Variants in ARIH1 observed in about 807,000 individuals in gnomAD.
ARIH1 encodes the protein E3 ubiquitin-protein ligase ARIH1.
ARIH1 carries 8 observed loss-of-function variants against 85.0 expected under a neutral mutation model. The ratio of observed to expected loss-of-function variants is 0.09; its 90% CI spans 0.06 to 0.17. ARIH1 has a LOEUF of 0.17. Among genes scored for constraint, ARIH1 ranks in the 10% least tolerant of loss-of-function variants. The probability of loss-of-function intolerance (pLI) is 1.00; values close to 1 mark genes in which losing one functional copy is unlikely to be tolerated. For synonymous variants in ARIH1, 238 were observed against 253.6 expected (o/e 0.94, Z 0.59); for missense variants, 311 against 718.1 (o/e 0.43, Z 6.48).
At chr15:72,528,772 T>C (rs1375197880) in intron 2 of ARIH1, among the ~76,000 whole-genome samples, 13 of 151,804 alleles carry the variant, frequency 8.6e-5, no homozygotes, top group Non-Finnish European at 1.6e-4. Context: ...GGAGGATTGC[T>C]GGAGCCCAGG....
At chr15:72,529,175 G>A (rs1227365864) in intron 2 of ARIH1, among the ~76,000 whole-genome samples, 1 of 152,118 alleles carries the variant, frequency 6.6e-6, no homozygotes, top group Admixed American at 6.5e-5. Flanking sequence ...CTCCAGCCTG[G>A]GCGACAGAGC....
chr15:72,500,741 C>T (rs984574300), intron 1 of ARIH1, among the ~76,000 whole-genome samples: 1 of 152,144 alleles, frequency 6.6e-6, no homozygotes, highest in Non-Finnish European at 1.5e-5. Flanking sequence ...ACTCCTTGAG[C>T]ATAAGCATAT....
At chr15:72,475,815 A>T (rs1306232624) in intron 1 of ARIH1, among the ~76,000 whole-genome samples, 1 of 152,150 alleles carries the variant, frequency 6.6e-6, no homozygotes, top group South Asian at 2.1e-4. Flanking sequence ...TCTGCTTGTG[A>T]ACTCCTTTCT....
rs1335894131 is a variant in ARIH1, at chr15:72,593,211, G to A, written c.*9919G>A. 1 of 152,084 alleles carries A rather than the reference G, an allele frequency of 6.6e-6. No individual in the cohort carries two copies. The highest frequency in any genetic ancestry group is 1.5e-5 in the Non-Finnish European group (1 of 68,006). The allele number at this position is 152,084 out of a possible 1,614,324, so 9.4% of individuals were successfully genotyped here. On this transcript the variant is annotated 3_prime_UTR_variant, in exon 14 of 14. Transcript: ENST00000379887. ...TTTTCATTTGTATATCTTTCAAGAA[G>A]TGTCTTTCATGTCTTTTCTCATTTT...
rs899468570 is a variant in ARIH1 at position 72,599,753 on chromosome 15, T to G, written c.*16461T>G. 6.6e-6 allele frequency: 1 copy of G among 152,276 alleles called. No homozygotes were observed. The highest frequency in any genetic ancestry group is 1.5e-5 in the Non-Finnish European group (1 of 68,052). 9.4% of individuals were successfully genotyped at this position (152,276 alleles called of 1,614,324 possible). ...TTACAGGCTGCATAATATGTCTTAA[T>G]ATGGATGTATCTTAGTTTATTTAAA... On this transcript the variant is annotated 3_prime_UTR_variant, in exon 14 of 14. Transcript: ENST00000379887.
At chr15:72,516,333 T>G (rs1200928269) in intron 1 of ARIH1, among the ~76,000 whole-genome samples, 1 of 152,204 alleles carries the variant, frequency 6.6e-6, no homozygotes, top group Non-Finnish European at 1.5e-5. Flanking sequence ...AAGATTTAGC[T>G]TATTTTACAT....
Position 72,595,748 on chromosome 15 carries a change from G to T in ARIH1, c.*12456G>T, listed in dbSNP as rs1255004818. ...TCTTCCTGCCTTGCACTCCCGAAGT[G>T]TTGGCATTACAGGCATGAGACACAG... On this transcript the variant is annotated 3_prime_UTR_variant, in exon 14 of 14. Transcript: ENST00000379887. The T allele has an allele frequency of 6.6e-6, 1 of 150,922 alleles. No homozygotes were observed. Among genetic ancestry groups the T allele is most frequent in the Non-Finnish European group, 1.5e-5 (1 of 67,924 alleles). 9.3% of individuals were successfully genotyped at this position (150,922 alleles called of 1,614,324 possible).
At chr15:72,534,064 C>T (rs1324688582) in intron 2 of ARIH1, among the ~76,000 whole-genome samples, 1 of 151,926 alleles carries the variant, frequency 6.6e-6, no homozygotes, top group African/African-American at 2.4e-5. Flanking sequence ...TGAGCAAAAG[C>T]TACAAGCCAC....
intron 2 of ARIH1, among the ~76,000 whole-genome samples, chr15:72,542,337 G>T (rs1187614943): frequency 6.6e-6 from 1 of 152,066 alleles, no homozygotes; most frequent in Non-Finnish European, 1.5e-5. Flanking sequence ...AGAAATGAAA[G>T]AAAGCAACCC....
At chr15:72,531,064 A>G (rs181328826) in intron 2 of ARIH1, among the ~76,000 whole-genome samples, 1 of 152,300 alleles carries the variant, frequency 6.6e-6, no homozygotes, top group East Asian at 1.9e-4. Flanking sequence ...CACTGATCCT[A>G]AGATACACAG....
In ARIH1 at chr15:72,591,366, C is replaced by A. The variant is rs1187360468; in HGVS notation, c.*8074C>A. Reference sequence around the variant, plus strand: ...TCCTTCTGATAGCTAAAATTTGTTTCTGTATAACAGAGTAGTGCCCTATAA... The same window carrying A: ...TCCTTCTGATAGCTAAAATTTGTTTATGTATAACAGAGTAGTGCCCTATAA... On this transcript the variant is annotated 3_prime_UTR_variant, in exon 14 of 14. Transcript: ENST00000379887. The A allele has an allele frequency of 6.6e-6, 1 of 151,650 alleles. No individual in the cohort carries two copies. The highest frequency in any genetic ancestry group is 2.1e-4 in the South Asian group (1 of 4,810). 9.4% of individuals were successfully genotyped at this position (151,650 alleles called of 1,614,324 possible).
intron 9 of ARIH1, among the ~76,000 whole-genome samples, chr15:72,568,872 A>G (rs751576947): frequency 2.6e-5 from 4 of 152,182 alleles, no homozygotes; most frequent in Non-Finnish European, 4.4e-5. Context: ...AGCATAGTCA[A>G]TTTCACAAAG....
Position 72,585,566 on chromosome 15 carries a change from G to C in ARIH1, c.*2274G>C, listed in dbSNP as rs1287329829. On this transcript the variant is annotated 3_prime_UTR_variant, in exon 14 of 14. Transcript: ENST00000379887. ...TTACCAGTTAACTTTGCAGTGTCTAGGTTTGAGTGTCATAAATCCACGTGT... is the reference window on the plus strand; with the variant it reads ...TTACCAGTTAACTTTGCAGTGTCTACGTTTGAGTGTCATAAATCCACGTGT... The C allele has an allele frequency of 4.6e-5, 7 of 152,192 alleles. No homozygotes were observed. The East Asian group carries it at 1.3e-3, about 29-fold the overall frequency. 9.4% of individuals were successfully genotyped at this position (152,192 alleles called of 1,614,324 possible).
intron 1 of ARIH1, among the ~76,000 whole-genome samples, chr15:72,504,087 C>T (rs965310264): frequency 1.3e-5 from 2 of 152,090 alleles, no homozygotes; most frequent in African/African-American, 4.8e-5. Flanking sequence ...GGAGTTTCGC[C>T]CTTGTCGCCC....
chr15:72,502,591 G>T (rs1396733043), intron 1 of ARIH1, among the ~76,000 whole-genome samples: 1 of 152,060 alleles, frequency 6.6e-6, no homozygotes, highest in Non-Finnish European at 1.5e-5. Flanking sequence ...GATTGCTTCA[G>T]CCCAAGAGTT....
rs116286275 is a variant in ARIH1, at chr15:72,548,399, G to T, written c.588+3435G>T. On this transcript the variant is annotated intron_variant, in intron 3 of 13. Coordinates refer to ENST00000379887, the MANE Select transcript of ARIH1 (RefSeq NM_005744.5). ...AAAGTTAATTTGAAATGAAATGAAG[G>T]AGTGAGGTAGGATGGGAAACCAGAC... Among the ~76,000 whole-genome samples, 600 of 152,294 alleles carry T rather than the reference G, an allele frequency of 3.9e-3. 5 individuals are homozygous for T. The highest frequency in any genetic ancestry group is 0.014 in the African/African-American group (580 of 41,560).
intron 1 of ARIH1, among the ~76,000 whole-genome samples, chr15:72,507,591 T>G (rs1020260327): frequency 1.1e-4 from 16 of 152,114 alleles, no homozygotes; most frequent in Non-Finnish European, 1.8e-4. Context: ...CCCTGTGTTT[T>G]GGGAGGCTGA....
Position 72,588,589 on chromosome 15 carries a change from A to G in ARIH1, c.*5297A>G, listed in dbSNP as rs1008667234. 6.6e-6 allele frequency: 1 copy of G among 152,166 alleles called. No homozygotes were observed. Among genetic ancestry groups the G allele is most frequent in the Non-Finnish European group, 1.5e-5 (1 of 68,020 alleles). The allele number at this position is 152,166 out of a possible 1,614,324, so 9.4% of individuals were successfully genotyped here. A position where few individuals can be genotyped will look rare whatever the true frequency, so the allele number is the denominator to read the frequency against. ...AGAGAATATAGGCGAGCAACTCCAG[A>G]TCATAAGGGACAAAATGATTCAAGG... On this transcript the variant is annotated 3_prime_UTR_variant, in exon 14 of 14. Coordinates refer to ENST00000379887, the MANE Select transcript of ARIH1 (RefSeq NM_005744.5).
At chr15:72,529,335 G>C (rs112206739) in intron 2 of ARIH1, among the ~76,000 whole-genome samples, 1 of 152,146 alleles carries the variant, frequency 6.6e-6, no homozygotes, top group African/African-American at 2.4e-5. Context: ...CTTGAACTCC[G>C]GGGCTCAAAC....
Sources: gnomAD v4.1 joint callset for allele counts (sites outside exome capture counted in the v4.1 genomes callset) on GRCh38, gnomAD v4.1.1 for gene constraint, MANE v1.5 for transcripts, NCBI Gene and HGNC (gene_info 2026-07-23, HGNC 2026-07-21) for gene names.